MYO5B: variants seen among roughly 807,000 people sequenced by gnomAD.
MYO5B encodes the protein unconventional myosin-Vb.
MYO5B carries 143 observed loss-of-function variants against 229.3 expected under a neutral mutation model. The observed-to-expected ratio is 0.62, with a 90% CI of 0.54 to 0.72. The LOEUF is 0.72. Among genes scored for constraint, MYO5B ranks in the 30% least tolerant of loss-of-function variants. The pLI is 0.00. For missense variants in MYO5B, 2,321 were observed against 2,331.0 expected (o/e 1.00, Z 0.09); for synonymous variants, 918 against 885.2 (o/e 1.04, Z -0.66).
chr18:50,086,826 A>C (rs2031340873), intron 1 of MYO5B, among the ~76,000 whole-genome samples: 1 of 152,176 alleles, frequency 6.6e-6, no homozygotes, highest in South Asian at 2.1e-4. Flanking sequence ...TGAGCAGGCC[A>C]CAGGAACACA....
intron 1 of MYO5B, among the ~76,000 whole-genome samples, chr18:50,067,105 G>T (rs1355809878): frequency 6.6e-6 from 1 of 152,174 alleles, no homozygotes; most frequent in Non-Finnish European, 1.5e-5. Context: ...AAGGAGAGAT[G>T]AGATTGCGTG....
At chr18:50,037,110 G>C in intron 3 of MYO5B, 116 bp from the exon 4 acceptor site, 1 of 1,124,952 alleles carries the variant, frequency 8.9e-7, no homozygotes, top group Non-Finnish European at 1.3e-6. Flanking sequence ...GAGGGCAGCA[G>C]AACCAGTCTT....
At chr18:49,952,376 A>G (rs2025439725) in intron 14 of MYO5B, among the ~76,000 whole-genome samples, 1 of 120,244 alleles carries the variant, frequency 8.3e-6, no homozygotes, top group African/African-American at 3.2e-5. Context: ...CTGCAGGGCT[A>G]AAGCCAGTAA....
intron 32 of MYO5B, among the ~76,000 whole-genome samples, chr18:49,848,797 G>A (rs1000525147): frequency 6.6e-6 from 1 of 152,108 alleles, no homozygotes; most frequent in African/African-American, 2.4e-5. Flanking sequence ...CACATGGGCA[G>A]ATATGAAGAG....
intron 16 of MYO5B, among the ~76,000 whole-genome samples, chr18:49,933,762 A>T (rs1260237562): frequency 6.6e-6 from 1 of 152,230 alleles, no homozygotes; most frequent in Non-Finnish European, 1.5e-5. Context: ...CGATTACAGG[A>T]AATGGGTGGA....
intron 14 of MYO5B, among the ~76,000 whole-genome samples, chr18:49,940,339 C>T (rs1787296): frequency 0.58 from 88,431 of 151,562 alleles, 26,264 homozygotes; most frequent in Middle Eastern, 0.73. Context: ...AGTGTCCAGA[C>T]AGAGTAGCAA....
chr18:50,082,145 GC>G (rs1425628662), intron 1 of MYO5B, among the ~76,000 whole-genome samples: 1 of 152,168 alleles, frequency 6.6e-6, no homozygotes, highest in Non-Finnish European at 1.5e-5. Flanking sequence ...GGGGCTTAAG[GC>G]CCACAATGGT....
intron 4 of MYO5B, among the ~76,000 whole-genome samples, chr18:50,027,441 C>T (rs2026343388): frequency 1.3e-5 from 2 of 152,294 alleles, no homozygotes; most frequent in East Asian, 1.9e-4. Context: ...AGTGCACACA[C>T]ACATGCCCTT....
At chr18:49,972,057 GAT>G (rs1248725793) in intron 10 of MYO5B, among the ~76,000 whole-genome samples, 1 of 152,180 alleles carries the variant, frequency 6.6e-6, no homozygotes, top group Non-Finnish European at 1.5e-5. Context: ...AGAGCTGTCA[GAT>G]AGTCTCAAAG....
intron 2 of MYO5B, among the ~76,000 whole-genome samples, chr18:50,049,531 G>A (rs2030334887): frequency 6.6e-6 from 1 of 152,190 alleles, no homozygotes; most frequent in South Asian, 2.1e-4. Context: ...CTCCAGCAAT[G>A]GACAGACCAG....
At chr18:50,083,439 T>C (rs1034338294) in intron 1 of MYO5B, among the ~76,000 whole-genome samples, 2 of 152,174 alleles carry the variant, frequency 1.3e-5, no homozygotes, top group Admixed American at 1.3e-4. Flanking sequence ...CCTGAAACTA[T>C]TGTAATACCT....
At chr18:49,891,358 T>C (rs2024712328) in intron 22 of MYO5B, among the ~76,000 whole-genome samples, 2 of 152,220 alleles carry the variant, frequency 1.3e-5, no homozygotes, top group African/African-American at 2.4e-5. Flanking sequence ...CTCTGCTTCA[T>C]TGTTGTTTGT....
At chr18:50,011,493 G>A (rs557573702) in intron 4 of MYO5B, among the ~76,000 whole-genome samples, 10 of 152,250 alleles carry the variant, frequency 6.6e-5, no homozygotes, top group African/African-American at 2.2e-4. Context: ...CGCGGAAGGT[G>A]CACAGGCGCT....
At chr18:49,904,949 A>G in intron 19 of MYO5B, 121 bp from the exon 20 acceptor site, 2 of 1,177,410 alleles carry the variant, frequency 1.7e-6, no homozygotes, top group Non-Finnish European at 1.2e-6. Context: ...GGACACACCC[A>G]GGGGAAACCA....
At chr18:49,918,687 G>T (rs1428402741) in intron 17 of MYO5B, among the ~76,000 whole-genome samples, 1 of 152,196 alleles carries the variant, frequency 6.6e-6, no homozygotes, top group Non-Finnish European at 1.5e-5. Flanking sequence ...AATTTGTGGG[G>T]CAGAATTGTT....
At chr18:49,901,633 A>C (rs1447577726) in intron 21 of MYO5B, among the ~76,000 whole-genome samples, 1 of 152,248 alleles carries the variant, frequency 6.6e-6, no homozygotes, top group East Asian at 1.9e-4. Context: ...GGTTCAGAGT[A>C]GTCACATCAG....
Position 49,826,405 on chromosome 18 carries a change from A to G in MYO5B, c.*66T>C. 1 of 1,575,030 alleles carries G rather than the reference A, an allele frequency of 6.3e-7. No individual in the cohort carries two copies. Among genetic ancestry groups the G allele is most frequent in the Non-Finnish European group, 8.7e-7 (1 of 1,149,296 alleles). ...CCAGATTTAACAGATCCTTGAATTT[A>G]CTTTACTGTATATACTTCCTTCTTG... On this transcript the variant is annotated 3_prime_UTR_variant, in exon 40 of 40. Transcript: ENST00000285039.
chr18:49,876,565 C>G (rs1355992423), intron 25 of MYO5B, among the ~76,000 whole-genome samples: 1 of 152,226 alleles, frequency 6.6e-6, no homozygotes, highest in Non-Finnish European at 1.5e-5. Flanking sequence ...TCATGTTTAA[C>G]CAGCACTGGA....
intron 1 of MYO5B, among the ~76,000 whole-genome samples, chr18:50,123,737 A>G (rs1473908103): frequency 6.6e-6 from 1 of 152,130 alleles, no homozygotes. Context: ...TAAGATGATA[A>G]AAGGTTTTCC....
Sources: gnomAD v4.1 joint callset for allele counts (sites outside exome capture counted in the v4.1 genomes callset) on GRCh38, gnomAD v4.1.1 for gene constraint, MANE v1.5 for transcripts, NCBI Gene and HGNC (gene_info 2026-07-23, HGNC 2026-07-21) for gene names.